CALN1: variants seen among roughly 807,000 people sequenced by gnomAD.
CALN1 encodes the protein calcium-binding protein 8.
Under a neutral mutation model 30.6 loss-of-function variants are expected in CALN1, and 17 were observed. The ratio of observed to expected loss-of-function variants is 0.56; its 90% CI spans 0.38 to 0.83. The LOEUF (loss-of-function observed/expected upper bound fraction) is 0.83, where lower values mean the gene tolerates loss of function less well. CALN1 is among the 40% of genes least tolerant of loss of function. CALN1 has a pLI of 0.00. For missense variants in CALN1, 291 were observed against 354.9 expected (o/e 0.82, Z 1.45); for synonymous variants, 156 against 131.4 (o/e 1.19, Z -1.28).
chr7:72,271,560 C>CT (rs1796970881), intron 3 of CALN1, among the ~76,000 whole-genome samples: 5 of 27,590 alleles, frequency 1.8e-4, no homozygotes, highest in African/African-American at 5.0e-4. Flanking sequence ...CTGTGCCTGC[C>CT]TTTTAAAAAA....
intron 4 of CALN1, among the ~76,000 whole-genome samples, chr7:72,089,387 A>T (rs1805701949): frequency 6.6e-6 from 1 of 152,168 alleles, no homozygotes; most frequent in Admixed American, 6.6e-5. Context: ...ACTTCATACT[A>T]GGTACACAGG....
intron 2 of CALN1, among the ~76,000 whole-genome samples, chr7:72,295,099 A>G (rs1006703065): frequency 1.3e-5 from 2 of 152,180 alleles, no homozygotes; most frequent in Middle Eastern, 3.2e-3. Context: ...AAATCTCACA[A>G]ATCACTACTA....
intron 5 of CALN1, among the ~76,000 whole-genome samples, chr7:71,972,333 C>T (rs980640353): frequency 6.6e-6 from 1 of 152,124 alleles, no homozygotes; most frequent in African/African-American, 2.4e-5. Context: ...ATATCTGACT[C>T]GAAAATTGTG....
At chr7:72,061,558 GA>G in intron 4 of CALN1, among the ~76,000 whole-genome samples, 1 of 151,524 alleles carries the variant, frequency 6.6e-6, no homozygotes, top group Non-Finnish European at 1.5e-5. Flanking sequence ...AAGCTCTATA[GA>G]GGGGCTCAAT....
chr7:72,309,321 T>C (rs993465015), intron 2 of CALN1, among the ~76,000 whole-genome samples: 2 of 152,144 alleles, frequency 1.3e-5, no homozygotes, highest in African/African-American at 2.4e-5. Flanking sequence ...GCCTCCACTC[T>C]TTGAAACATA....
intron 3 of CALN1, among the ~76,000 whole-genome samples, chr7:72,257,848 A>C (rs911424304): frequency 6.6e-6 from 1 of 152,254 alleles, no homozygotes; most frequent in Non-Finnish European, 1.5e-5. Flanking sequence ...CATTATTCTA[A>C]GTGAAGTAAC....
At chr7:72,267,216 G>A (rs571924596) in intron 3 of CALN1, among the ~76,000 whole-genome samples, 49 of 152,220 alleles carry the variant, frequency 3.2e-4, no homozygotes, top group African/African-American at 4.1e-4. Flanking sequence ...GAAATCAACC[G>A]GCAAAAACGG....
intron 2 of CALN1, among the ~76,000 whole-genome samples, chr7:72,366,790 T>C (rs1429202577): frequency 6.6e-6 from 1 of 151,560 alleles, no homozygotes; most frequent in Admixed American, 6.6e-5. Context: ...AAATTGCATG[T>C]ATATGACCTG....
intron 5 of CALN1, among the ~76,000 whole-genome samples, chr7:71,862,455 G>A (rs1411045462): frequency 2.0e-5 from 3 of 152,124 alleles, no homozygotes; most frequent in Non-Finnish European, 4.4e-5. Context: ...AGGGGCTCCT[G>A]CACACACCCT....
intron 2 of CALN1, among the ~76,000 whole-genome samples, chr7:72,381,700 G>C (rs1467733497): frequency 6.6e-6 from 1 of 152,142 alleles, no homozygotes; most frequent in Non-Finnish European, 1.5e-5. Flanking sequence ...GGGCCTGTCA[G>C]GGGCATGGGG....
At chr7:72,313,406 C>A (rs994400341) in intron 2 of CALN1, among the ~76,000 whole-genome samples, 7 of 152,150 alleles carry the variant, frequency 4.6e-5, no homozygotes, top group East Asian at 1.9e-4. Flanking sequence ...AAAAAAAATT[C>A]TTTGAGACAG....
intron 1 of CALN1, among the ~76,000 whole-genome samples, chr7:72,428,103 A>T (rs561393520): frequency 6.6e-6 from 1 of 152,254 alleles, no homozygotes; most frequent in East Asian, 1.9e-4. Flanking sequence ...CACAGTCGAG[A>T]CACTCCCTGC....
intron 4 of CALN1, among the ~76,000 whole-genome samples, chr7:72,105,129 G>A (rs986071230): frequency 2.0e-5 from 3 of 151,906 alleles, no homozygotes; most frequent in Non-Finnish European, 4.4e-5. Flanking sequence ...CCATTGTGGC[G>A]CTGGTTTTAC....
At chr7:72,359,000 C>G (rs963370313) in intron 2 of CALN1, among the ~76,000 whole-genome samples, 1 of 151,858 alleles carries the variant, frequency 6.6e-6, no homozygotes, top group Non-Finnish European at 1.5e-5. Context: ...GCTACCAACA[C>G]CACAAACCTG....
Position 72,135,065 on chromosome 7 carries a change from C to T in CALN1, c.245-28771G>A, listed in dbSNP as rs117097413. 1.4e-3 allele frequency among the ~76,000 whole-genome samples: 211 copies of T among 152,318 alleles called. 2 individuals carry two copies. The highest frequency in any genetic ancestry group is 0.014 in the Middle Eastern group (4 of 294). On this transcript the variant is annotated intron_variant, in intron 3 of 6. Transcript: ENST00000395275. ...CCATTCAAGTTTGATCATGAGATTGCAGAAATTCAGTTCCATCTTTAGGAT... is the reference window on the plus strand; with the variant it reads ...CCATTCAAGTTTGATCATGAGATTGTAGAAATTCAGTTCCATCTTTAGGAT...
At chr7:72,329,512 C>T (rs531521796) in intron 2 of CALN1, among the ~76,000 whole-genome samples, 3 of 152,230 alleles carry the variant, frequency 2.0e-5, no homozygotes, top group Admixed American at 2.0e-4. Flanking sequence ...ACACCAGTCT[C>T]CTTCCTTCTC....
rs187401048 is a variant in CALN1 at position 72,059,577 on chromosome 7, A to G, written c.389-35808T>C. 4.3e-3 allele frequency among the ~76,000 whole-genome samples: 655 copies of G among 152,292 alleles called. 2 individuals are homozygous for G. Among genetic ancestry groups the G allele is most frequent in the African/African-American group, 0.015 (621 of 41,564 alleles). On this transcript the variant is annotated intron_variant, in intron 4 of 6. Coordinates refer to ENST00000395275, the MANE Select transcript of CALN1 (RefSeq NM_031468.4). ...AATATTTCCAAAAAGAAATTGAACT[A>G]TAATAGGTTTCAGAGCTTAGCTTTC...
intron 5 of CALN1, among the ~76,000 whole-genome samples, chr7:71,863,088 C>G (rs1478505616): frequency 2.0e-5 from 3 of 151,836 alleles, no homozygotes; most frequent in Non-Finnish European, 4.4e-5. Context: ...AGGGAGACCC[C>G]TATATCTACA....
chr7:72,369,876 ACAT>A (rs1804117461), intron 2 of CALN1, among the ~76,000 whole-genome samples: 1 of 152,232 alleles, frequency 6.6e-6, no homozygotes, highest in East Asian at 1.9e-4. Flanking sequence ...CTATTGATGG[ACAT>A]TTAACATGCT....
Sources: allele counts gnomAD v4.1 joint callset (sites outside exome capture counted in the v4.1 genomes callset), GRCh38; gene constraint gnomAD v4.1.1; transcripts MANE v1.5; gene names NCBI Gene and HGNC (gene_info 2026-07-23, HGNC 2026-07-21).